LRMDA: variants seen among roughly 807,000 people sequenced by gnomAD.
The protein encoded by LRMDA is leucine rich melanocyte differentiation associated.
Under a neutral mutation model 29.8 loss-of-function variants are expected in LRMDA, and 18 were observed. That is an observed-to-expected ratio of 0.60 (90% confidence interval 0.42 to 0.90). The LOEUF (loss-of-function observed/expected upper bound fraction) is 0.90. LRMDA is among the 40% of genes least tolerant of loss of function. The probability of loss-of-function intolerance (pLI) is 0.00; values close to 1 mark genes in which losing one functional copy is unlikely to be tolerated. For missense variants in LRMDA, 273 were observed against 273.9 expected, an observed-to-expected ratio of 1.00 and a Z score of 0.02; for synonymous variants, 125 against 109.4, an observed-to-expected ratio of 1.14 and a Z score of -0.89.
At chr10:75,559,383 G>GT in intron 2 of LRMDA, among the ~76,000 whole-genome samples, 1 of 149,588 alleles carries the variant, frequency 6.7e-6, no homozygotes, top group Admixed American at 6.6e-5. Flanking sequence ...GGGGTTGTTT[G>GT]TTTTTTTCTT....
intron 6 of LRMDA, among the ~76,000 whole-genome samples, chr10:76,514,564 GT>G (rs1196056900): frequency 3.3e-5 from 5 of 152,150 alleles, no homozygotes; most frequent in African/African-American, 1.2e-4. Flanking sequence ...AAAGCCTTTG[GT>G]TTTTTATTGT....
intron 5 of LRMDA, among the ~76,000 whole-genome samples, chr10:76,199,296 T>A (rs1851386164): frequency 1.3e-5 from 2 of 152,186 alleles, no homozygotes; most frequent in South Asian, 4.1e-4. Context: ...TTATGGTGTT[T>A]CTTGAGTGAT....
chr10:75,954,298 C>T (rs767927883), intron 2 of LRMDA, among the ~76,000 whole-genome samples: 4 of 152,142 alleles, frequency 2.6e-5, no homozygotes, highest in Non-Finnish European at 4.4e-5. Context: ...GTGTGCAGTC[C>T]TAGGATTGGG....
chr10:75,494,033 C>T (rs1021953229), intron 2 of LRMDA, among the ~76,000 whole-genome samples: 9 of 152,074 alleles, frequency 5.9e-5, no homozygotes, highest in Non-Finnish European at 1.3e-4. Context: ...GGATTACAGG[C>T]GTCAGCCACC....
chr10:75,969,345 C>T (rs1213084645), intron 2 of LRMDA, among the ~76,000 whole-genome samples: 1 of 152,236 alleles, frequency 6.6e-6, no homozygotes, highest in African/African-American at 2.4e-5. Flanking sequence ...TAATGAGAAT[C>T]CCTTTGACAT....
At chr10:75,769,637 TTAAAATTTGTATCAAG>T in intron 2 of LRMDA, among the ~76,000 whole-genome samples, 1 of 152,354 alleles carries the variant, frequency 6.6e-6, no homozygotes, top group Non-Finnish European at 1.5e-5. Context: ...CCCCTTATTT[TTAAAATTTGTATCAAG>T]TATCTGTTAC....
At chr10:76,006,983 CGTGTGTGT>C (rs572881040) in intron 2 of LRMDA, among the ~76,000 whole-genome samples, 12 of 116,208 alleles carry the variant, frequency 1.0e-4, no homozygotes, top group South Asian at 3.3e-4. Flanking sequence ...ATGGAGAAGG[CGTGTGTGT>C]GTGTGTGTGT....
Position 76,303,004 on chromosome 10 carries a change from C to G in LRMDA, c.517-21397C>G, listed in dbSNP as rs990128003. On this transcript the variant is annotated intron_variant, in intron 5 of 6. Coordinates refer to ENST00000611255, the MANE Select transcript of LRMDA (RefSeq NM_001305581.2). ...CCCACTCTAACTTTCCTCATCTCCC[C>G]CTGAAAGAAAGAAAAAAGCATTTCT... Among the ~76,000 whole-genome samples, 14 of 152,266 alleles carry G rather than the reference C, an allele frequency of 9.2e-5. 1 individual carries two copies. The highest frequency in any genetic ancestry group is 3.4e-4 in the African/African-American group (14 of 41,546).
chr10:76,154,057 A>G (rs1850494705), intron 5 of LRMDA, among the ~76,000 whole-genome samples: 2 of 152,212 alleles, frequency 1.3e-5, no homozygotes, highest in African/African-American at 4.8e-5. Flanking sequence ...CCATTCTTGT[A>G]TTGGTCCCTC....
chr10:76,001,380 C>T (rs1238324536), intron 2 of LRMDA, among the ~76,000 whole-genome samples: 4 of 152,058 alleles, frequency 2.6e-5, no homozygotes, highest in East Asian at 1.9e-4. Flanking sequence ...CATCACACAG[C>T]GTATCAAAGA....
At chr10:76,474,286 A>G (rs1457302310) in intron 6 of LRMDA, among the ~76,000 whole-genome samples, 1 of 151,692 alleles carries the variant, frequency 6.6e-6, no homozygotes, top group African/African-American at 2.4e-5. Flanking sequence ...AGAAGAAAAC[A>G]TAGACATAAA....
chr10:75,438,634 G>A, intron 2 of LRMDA, 140 bp downstream of exon 2: 1 of 657,114 alleles, frequency 1.5e-6, no homozygotes, highest in Non-Finnish European at 2.6e-6. Context: ...TGAGATGCGT[G>A]GAATCACACC....
At chr10:75,991,185 A>G (rs190641199) in intron 2 of LRMDA, among the ~76,000 whole-genome samples, 21 of 152,328 alleles carry the variant, frequency 1.4e-4, no homozygotes, top group African/African-American at 4.6e-4. Context: ...ATATACACAC[A>G]TATAGAGATA....
At chr10:75,820,247 A>G (rs1844133940) in intron 2 of LRMDA, among the ~76,000 whole-genome samples, 1 of 152,238 alleles carries the variant, frequency 6.6e-6, no homozygotes, top group Non-Finnish European at 1.5e-5. Context: ...AATTGACCAT[A>G]TGCTAGGCCA....
chr10:76,432,113 T>A (rs1264929822), intron 6 of LRMDA, among the ~76,000 whole-genome samples: 1 of 152,196 alleles, frequency 6.6e-6, no homozygotes, highest in African/African-American at 2.4e-5. Context: ...TTTGTAAAAC[T>A]TGAGTCCTGG....
intron 6 of LRMDA, among the ~76,000 whole-genome samples, chr10:76,394,024 T>C (rs1841754189): frequency 6.6e-6 from 1 of 152,200 alleles, no homozygotes; most frequent in Non-Finnish European, 1.5e-5. Context: ...TCTATGTGTC[T>C]TTATGGCTTT....
At chr10:75,632,782 G>GGTT (rs1841340908) in intron 2 of LRMDA, among the ~76,000 whole-genome samples, 2 of 43,256 alleles carry the variant, frequency 4.6e-5, no homozygotes, top group Admixed American at 2.6e-4. Context: ...GTTTAGTTTA[G>GGTT]TTTTTTTTTT....
At chr10:75,627,622 C>T (rs1841267591) in intron 2 of LRMDA, among the ~76,000 whole-genome samples, 1 of 152,144 alleles carries the variant, frequency 6.6e-6, no homozygotes, top group African/African-American at 2.4e-5. Context: ...GTGGGCAATA[C>T]TCAATCAAAA....
intron 5 of LRMDA, among the ~76,000 whole-genome samples, chr10:76,243,888 A>G (rs1228288176): frequency 6.6e-6 from 1 of 152,120 alleles, no homozygotes; most frequent in East Asian, 1.9e-4. Context: ...GTTGTTGAAG[A>G]TGTAGCTAAG....
Sources: gnomAD v4.1 joint callset for allele counts (sites outside exome capture counted in the v4.1 genomes callset) on GRCh38, gnomAD v4.1.1 for gene constraint, MANE v1.5 for transcripts, NCBI Gene and HGNC (gene_info 2026-07-23, HGNC 2026-07-21) for gene names.